PCDHGA6: variants seen among roughly 807,000 people sequenced by gnomAD.
PCDHGA6 encodes the protein protocadherin gamma subfamily A, 6.
In PCDHGA6, 41 loss-of-function variants were observed where a neutral mutation model predicts 60.6. That is an observed-to-expected ratio of 0.68 (90% CI 0.53 to 0.88). The LOEUF is 0.88. Ranked by LOEUF, PCDHGA6 falls within the 40% of genes least tolerant of loss-of-function variation. The pLI is 0.00. For synonymous variants in PCDHGA6, 594 were observed against 524.4 expected (o/e 1.13, Z -1.81); for missense variants, 1,312 against 1,203.0 (o/e 1.09, Z -1.34).
chr5:141,385,109 C>T (rs931773405), intron 1 of PCDHGA6: 5 of 1,614,174 alleles, frequency 3.1e-6, no homozygotes, highest in Non-Finnish European at 4.2e-6. Flanking sequence ...AACGTGCCCA[C>T]CTCGCACTTT....
intron 1 of PCDHGA6, chr5:141,384,775 G>T (rs1392115505): frequency 1.9e-6 from 3 of 1,613,792 alleles, no homozygotes; most frequent in African/African-American, 1.3e-5. Context: ...CACGGGCGAG[G>T]TGCGCACGGC....
At chr5:141,488,439 C>G (rs2099675441) in intron 1 of PCDHGA6, among the ~76,000 whole-genome samples, 1 of 152,206 alleles carries the variant, frequency 6.6e-6, no homozygotes, top group African/African-American at 2.4e-5. Context: ...TCTGACCACC[C>G]TCCTGGGTGA....
chr5:141,469,104 C>T (rs1046234848), intron 1 of PCDHGA6, among the ~76,000 whole-genome samples: 1 of 151,760 alleles, frequency 6.6e-6, no homozygotes, highest in Admixed American at 6.6e-5. Flanking sequence ...AAGCAAGAAC[C>T]TGTCTCTAAA....
intron 1 of PCDHGA6, chr5:141,420,076 TCCC>T: frequency 1.9e-6 from 3 of 1,613,956 alleles, no homozygotes; most frequent in Non-Finnish European, 2.5e-6. Context: ...GACCTGTGGG[TCCC>T]CCCAACTACA....
chr5:141,478,692 A>C (rs1459911657), intron 1 of PCDHGA6: 2 of 1,550,666 alleles, frequency 1.3e-6, no homozygotes, highest in African/African-American at 2.7e-5. Context: ...CCTAGATCAA[A>C]GTTAGTGCCT....
At chr5:141,507,557 C>T (rs959957585) in intron 3 of PCDHGA6, among the ~76,000 whole-genome samples, 5 of 152,250 alleles carry the variant, frequency 3.3e-5, no homozygotes, top group Middle Eastern at 3.4e-3. Flanking sequence ...AAGTGGCAGG[C>T]GGCTGGGTCT....
At chr5:141,389,766 C>A (rs1217222336) in intron 1 of PCDHGA6, 1 of 1,613,060 alleles carries the variant, frequency 6.2e-7, no homozygotes, top group East Asian at 2.2e-5. Flanking sequence ...GCGCACAGCG[C>A]GTGCCTTAGG....
intron 1 of PCDHGA6, chr5:141,409,807 C>T (rs1561723178): frequency 1.2e-6 from 2 of 1,611,592 alleles, no homozygotes; most frequent in Non-Finnish European, 1.7e-6. Flanking sequence ...TGCAGGCCCG[C>T]GACCACGGCT....
chr5:141,410,528 A>G (rs1464482105), intron 1 of PCDHGA6: 3 of 1,613,852 alleles, frequency 1.9e-6, no homozygotes, highest in Non-Finnish European at 2.5e-6. Flanking sequence ...CCTACATTCC[A>G]ATGAAGACAT....
chr5:141,487,591 C>T lies in PCDHGA6; in HGVS notation c.2425-7216C>T. 8 of 1,614,176 alleles carry T rather than the reference C, an allele frequency of 5.0e-6. No homozygotes were observed. The highest frequency in any genetic ancestry group is 6.8e-6 in the Non-Finnish European group (8 of 1,180,036). On this transcript the variant is annotated intron_variant, in intron 1 of 3. Coordinates refer to ENST00000517434, the MANE Select transcript of PCDHGA6 (RefSeq NM_018919.3). The surrounding 1 kb of genome is among the most constrained non-coding windows in gnomAD (Gnocchi z 5.0). ...AGCCTGTTCGCCCAAGCTGCCCACC[C>T]TCTGATCTTCTCTATGGGCTAGAGG...
Position 141,375,417 on chromosome 5 carries a change from C to T in PCDHGA6, c.1334C>T (p.Thr445Ile). ...ATCATCTCTCTAAATGTGGCAGACACCAACGACAACCCGCCCACCTTCCCC... is the reference window on the plus strand; with the variant it reads ...ATCATCTCTCTAAATGTGGCAGACATCAACGACAACCCGCCCACCTTCCCC... ...ETIISLNVAD[T>I]NDNPPTFPHS... Residue 445 changes from threonine (T) to isoleucine (I), a missense_variant, in exon 1 of 4, where the codon ACC becomes ATC. Physicochemically the swap from Thr to Ile is moderately conservative, Grantham distance 89. Coordinates refer to ENST00000517434, the MANE Select transcript of PCDHGA6 (RefSeq NM_018919.3). 3 of 1,613,976 alleles carry T rather than the reference C, an allele frequency of 1.9e-6. No homozygotes were observed. Among genetic ancestry groups the T allele is most frequent in the Non-Finnish European group, 2.5e-6 (3 of 1,180,038 alleles).
chr5:141,382,486 C>T (rs1278703321), intron 1 of PCDHGA6, among the ~76,000 whole-genome samples: 1 of 152,192 alleles, frequency 6.6e-6, no homozygotes, highest in African/African-American at 2.4e-5. Flanking sequence ...GATTATCAAA[C>T]ACCGGTCCAT....
chr5:141,444,545 C>G (rs1346405150), intron 1 of PCDHGA6, among the ~76,000 whole-genome samples: 1 of 152,042 alleles, frequency 6.6e-6, no homozygotes, highest in Non-Finnish European at 1.5e-5. Context: ...GTCTAGTGAG[C>G]AAAAGGCACT....
rs1236013576 is a variant in PCDHGA6 at position 141,375,392 on chromosome 5, A to G, written c.1309A>G (p.Ile437Val). Residue 437 changes from isoleucine to valine, a missense_variant, in exon 1 of 4, where the codon ATC becomes GTC. Ile to Val is a conservative substitution (Grantham distance 29, BLOSUM62 3). Transcript: ENST00000517434. ...KGTPPLSTET[I>V]ISLNVADTND... ...AACACCACCTCTGTCTACAGAAACA[A>G]TCATCTCTCTAAATGTGGCAGACAC... 33 of 1,613,850 alleles carry G rather than the reference A, an allele frequency of 2.0e-5. 1 individual carries two copies. Among genetic ancestry groups the G allele is most frequent in the African/African-American group, 4.0e-5 (3 of 74,932 alleles).
Position 141,493,508 on chromosome 5 carries a change from C to T in PCDHGA6, c.2425-1299C>T, listed in dbSNP as rs2099748607. 1.3e-5 allele frequency among the ~76,000 whole-genome samples: 2 copies of T among 152,284 alleles called. No homozygotes were observed. The highest frequency in any genetic ancestry group is 4.1e-4 in the South Asian group (2 of 4,820). On this transcript the variant is annotated intron_variant, in intron 1 of 3. Transcript: ENST00000517434. The surrounding 1 kb of genome is among the most constrained non-coding windows in gnomAD (Gnocchi z 4.3). Reference sequence around the variant, plus strand: ...TCTTCTGTGGCTCCTCATTTCTGAGCAGTCCCCGCAGCGCAAACTTGGCCA... The same window carrying T: ...TCTTCTGTGGCTCCTCATTTCTGAGTAGTCCCCGCAGCGCAAACTTGGCCA...
At chr5:141,394,458 A>G (rs776488659) in intron 1 of PCDHGA6, 1 of 1,614,218 alleles carries the variant, frequency 6.2e-7, no homozygotes, top group South Asian at 1.1e-5. Context: ...CATGTCACTG[A>G]GCCTGTTCGT....
intron 1 of PCDHGA6, chr5:141,389,851 CCA>C (rs2091943018): frequency 6.2e-7 from 1 of 1,613,936 alleles, no homozygotes; most frequent in Non-Finnish European, 8.5e-7. Context: ...TCGGCCACTG[CCA>C]CGTTGCACCT....
Position 141,510,960 on chromosome 5 carries a change from G to C in PCDHGA6, c.2586G>C (p.Gly862=). The change falls in exon 4 of 4, where the codon GGG becomes GGC. Residue 862 remains glycine, a synonymous_variant. Transcript: ENST00000517434. ...CTGTCTCTGCAGAAGCTGCTGATGG[G>C]AGCTCCACCCTGGGAGGGGGTGCCG... The part of the protein sequence containing the change: ...ILASASEAAD[G]SSTLGGGAGT... 1 of 1,614,120 alleles carries C rather than the reference G, an allele frequency of 6.2e-7. No homozygotes were observed. Among genetic ancestry groups the C allele is most frequent in the Non-Finnish European group, 8.5e-7 (1 of 1,180,022 alleles).
chr5:141,441,057 A>T (rs2098222263), intron 1 of PCDHGA6: 2 of 152,152 alleles, frequency 1.3e-5, no homozygotes, highest in South Asian at 4.1e-4. Flanking sequence ...ACTTTTAAAG[A>T]TTTTTAATTT....
Sources: allele counts gnomAD v4.1 joint callset (sites outside exome capture counted in the v4.1 genomes callset), GRCh38; gene constraint gnomAD v4.1.1; non-coding constraint Gnocchi (gnomAD v3.1); transcripts MANE v1.5; gene names NCBI Gene and HGNC (gene_info 2026-07-23, HGNC 2026-07-21).